Variants in NSL1 observed in about 807,000 individuals in gnomAD.
NSL1 encodes the protein kinetochore-associated protein NSL1 homolog.
Under a neutral mutation model 25.4 loss-of-function variants are expected in NSL1, and 11 were observed. The ratio of observed to expected loss-of-function variants is 0.43; its 90% confidence interval spans 0.27 to 0.72. The LOEUF is 0.72. Among genes scored for constraint, NSL1 ranks in the 30% least tolerant of loss-of-function variants. The pLI is 0.19. For missense variants in NSL1, 330 were observed against 342.7 expected (o/e 0.96, Z 0.29); for synonymous variants, 118 against 120.6 (o/e 0.98, Z 0.14).
intron 4 of NSL1, among the ~76,000 whole-genome samples, chr1:212,762,004 A>T (rs568141777): frequency 6.6e-6 from 1 of 151,606 alleles, no homozygotes; most frequent in South Asian, 2.1e-4. Flanking sequence ...ATCATGTTTT[A>T]AGAAAGTTTA....
In NSL1 at chr1:212,738,363, T is replaced by C. The variant is rs1658326443; in HGVS notation, c.*45A>G. The C allele has an allele frequency of 6.4e-7, 1 of 1,567,964 alleles. No homozygotes were observed. Among genetic ancestry groups the C allele is most frequent in the African/African-American group, 1.4e-5 (1 of 72,896 alleles). On this transcript the variant is annotated 3_prime_UTR_variant, in exon 6 of 6. Transcript: ENST00000366977. Reference sequence around the variant, plus strand: ...GGTATTAATTAGGCTGTAATCTAAATGTTGATGGTGCCTATTTTCAACTCC... The same window carrying C: ...GGTATTAATTAGGCTGTAATCTAAACGTTGATGGTGCCTATTTTCAACTCC...
chr1:212,784,235 A>G (rs1660847438), intron 3 of NSL1, 128 bp downstream of exon 3: 3 of 573,742 alleles, frequency 5.2e-6, no homozygotes, highest in Non-Finnish European at 8.9e-6. Flanking sequence ...ACAAGAGACA[A>G]ACAATACTAA....
At chr1:212,774,711 C>G (rs978789819) in intron 4 of NSL1, among the ~76,000 whole-genome samples, 1 of 152,144 alleles carries the variant, frequency 6.6e-6, no homozygotes, top group East Asian at 1.9e-4. Context: ...AGAACTGGAA[C>G]CCCTACACAC....
At position 212,736,466 on chromosome 1, in the gene NSL1, T is replaced by C. The variant is rs1427730767; in HGVS notation, c.*1942A>G. 1.0e-6 allele frequency: 1 copy of C among 985,268 alleles called. No individual in the cohort carries two copies. The highest frequency in any genetic ancestry group is 1.2e-6 in the Non-Finnish European group (1 of 829,858). The allele number at this position is 985,268 out of a possible 1,614,324, so 61.0% of individuals were successfully genotyped here. On this transcript the variant is annotated 3_prime_UTR_variant, in exon 6 of 6. Coordinates refer to ENST00000366977, the MANE Select transcript of NSL1 (RefSeq NM_015471.4). ...ACTTTCTTGCTTTTAATCCTTAGCT[T>C]ACTAGTTCTTGGCCTATGCAGAAAT...
At chr1:212,747,368 T>C (rs529676950) in intron 4 of NSL1, among the ~76,000 whole-genome samples, 18 of 152,300 alleles carry the variant, frequency 1.2e-4, no homozygotes, top group African/African-American at 3.1e-4. Context: ...AAGAAGTAGG[T>C]TGACATGTTA....
intron 4 of NSL1, among the ~76,000 whole-genome samples, chr1:212,779,761 C>T (rs1176326421): frequency 8.7e-6 from 1 of 115,406 alleles, no homozygotes; most frequent in Non-Finnish European, 1.9e-5. Context: ...CCCAGCCAGC[C>T]GCCCCGTCCG....
Position 212,747,556 on chromosome 1 carries a change from C to G in NSL1, c.500-7955G>C, listed in dbSNP as rs1244179464. On this transcript the variant is annotated intron_variant, in intron 4 of 5. Coordinates refer to ENST00000366977, the MANE Select transcript of NSL1 (RefSeq NM_015471.4). ...ATCTTGACTACAACCTTGTGAGAGC[C>G]CTATGCTAGAACTACCCAGCTAAGC... Among the ~76,000 whole-genome samples, 3 of 152,278 alleles carry G rather than the reference C, an allele frequency of 2.0e-5. No homozygotes were observed. In the East Asian group the frequency reaches 5.8e-4, roughly 29 times the overall value.
At position 212,735,884 on chromosome 1, in the gene NSL1, T is replaced by G. The variant is rs182348752; in HGVS notation, c.*2524A>C. ...CTCATGGACTTCTAGCCTCCAGAACTGTGAGAAGTAAGTATCTGTTGTTTA... is the reference window on the plus strand; with the variant it reads ...CTCATGGACTTCTAGCCTCCAGAACGGTGAGAAGTAAGTATCTGTTGTTTA... On this transcript the variant is annotated 3_prime_UTR_variant, in exon 6 of 6. Coordinates refer to ENST00000366977, the MANE Select transcript of NSL1 (RefSeq NM_015471.4). 2 of 910,124 alleles carry G rather than the reference T, an allele frequency of 2.2e-6. No individual in the cohort carries two copies. Among genetic ancestry groups the G allele is most frequent in the Non-Finnish European group, 2.6e-6 (2 of 761,608 alleles). The allele number at this position is 910,124 out of a possible 1,614,324, so 56.4% of individuals were successfully genotyped here. A position where few individuals can be genotyped will look rare whatever the true frequency, so the allele number is the denominator to read the frequency against.
intron 4 of NSL1, among the ~76,000 whole-genome samples, chr1:212,774,481 A>G (rs1314215123): frequency 6.6e-6 from 1 of 152,248 alleles, no homozygotes; most frequent in African/African-American, 2.4e-5. Context: ...AAGAACCAGT[A>G]TAACTCAACA....
At chr1:212,775,363 T>C (rs1660312891) in intron 4 of NSL1, among the ~76,000 whole-genome samples, 1 of 152,210 alleles carries the variant, frequency 6.6e-6, no homozygotes. Context: ...CTAAAGCCAC[T>C]GAGTTGTACA....
chr1:212,784,518 T>C lies in NSL1; in HGVS notation c.314-25A>G, dbSNP rs73083738. On this transcript the variant is annotated intron_variant, in intron 2 of 5. Coordinates refer to ENST00000366977, the MANE Select transcript of NSL1 (RefSeq NM_015471.4). ...TCTATTTGAGAAAAAAAAATGTATA[T>C]ATAAAAAGTTCCCTAAAACTCATTG... The C allele has an allele frequency of 3.8e-4, 539 of 1,436,802 alleles. 4 individuals are homozygous for C. In the African/African-American group the frequency reaches 7.1e-3, roughly 19 times the overall value. 89.0% of individuals were successfully genotyped at this position (1,436,802 alleles called of 1,614,324 possible). A position where few individuals can be genotyped will look rare whatever the true frequency, so the allele number is the denominator to read the frequency against.
chr1:212,782,074 A>G lies in NSL1; in HGVS notation c.499+298T>C, dbSNP rs368838221. 1.9e-5 allele frequency: 12 copies of G among 621,738 alleles called. No homozygotes were observed. In the African/African-American group the frequency reaches 2.0e-4, roughly 10 times the overall value. 38.5% of individuals were successfully genotyped at this position (621,738 alleles called of 1,614,324 possible). Reference sequence around the variant, plus strand: ...CTGTAATGCAAAGAATAGATAGTACAATGACAGAGATAGGAGGGTATTAGA... The same window carrying G: ...CTGTAATGCAAAGAATAGATAGTACGATGACAGAGATAGGAGGGTATTAGA... On this transcript the variant is annotated intron_variant, in intron 4 of 5. Coordinates refer to ENST00000366977, the MANE Select transcript of NSL1 (RefSeq NM_015471.4).
At chr1:212,778,669 G>A (rs1384725271) in intron 4 of NSL1, among the ~76,000 whole-genome samples, 2 of 151,240 alleles carry the variant, frequency 1.3e-5, no homozygotes, top group African/African-American at 2.4e-5. Flanking sequence ...CCGAGGTGCC[G>A]GGATTGCAGA....
chr1:212,747,197 A>AGTCCTCTCCCACAGTGTACTAG (rs1441730648), intron 4 of NSL1, among the ~76,000 whole-genome samples: 1 of 152,168 alleles, frequency 6.6e-6, no homozygotes, highest in Non-Finnish European at 1.5e-5. Flanking sequence ...CTCCTTGTGC[A>AGTCCTCTCCCACAGTGTACTAG]GTCCTCTCCC....
chr1:212,766,696 G>C (rs1172651738), intron 4 of NSL1, among the ~76,000 whole-genome samples: 2 of 148,352 alleles, frequency 1.3e-5, no homozygotes, highest in Non-Finnish European at 3.0e-5. Flanking sequence ...CATCCAAAAA[G>C]CTCCTAGATT....
At chr1:212,791,262 T>G (rs1287726449) in intron 1 of NSL1, among the ~76,000 whole-genome samples, 1 of 152,214 alleles carries the variant, frequency 6.6e-6, no homozygotes, top group Non-Finnish European at 1.5e-5. Flanking sequence ...TCCATTAACT[T>G]CACCTATTTC....
intron 4 of NSL1, among the ~76,000 whole-genome samples, chr1:212,770,752 T>C (rs577731933): frequency 6.6e-6 from 1 of 152,146 alleles, no homozygotes; most frequent in East Asian, 1.9e-4. Context: ...AAAAGAAAAC[T>C]ACAGGCCAAT....
chr1:212,737,726 T>C lies in NSL1; in HGVS notation c.*682A>G, dbSNP rs904539422. On this transcript the variant is annotated 3_prime_UTR_variant, in exon 6 of 6. Coordinates refer to ENST00000366977, the MANE Select transcript of NSL1 (RefSeq NM_015471.4). ...TCCAAGTCAAATTATGTTAATGGTC[T>C]ATAGAAAAAAGTGAGTGTGGGCAGG... 30 of 980,768 alleles carry C rather than the reference T, an allele frequency of 3.1e-5. No individual in the cohort carries two copies. The highest frequency in any genetic ancestry group is 3.5e-5 in the Non-Finnish European group (29 of 825,796). The allele number at this position is 980,768 out of a possible 1,614,324, so 60.8% of individuals were successfully genotyped here.
chr1:212,768,099 T>C (rs1438043775), intron 4 of NSL1, among the ~76,000 whole-genome samples: 1 of 152,066 alleles, frequency 6.6e-6, no homozygotes, highest in Non-Finnish European at 1.5e-5. Context: ...GAGGGTAGAT[T>C]ACCTGAGGTC....
Sources: allele counts gnomAD v4.1 joint callset (sites outside exome capture counted in the v4.1 genomes callset), GRCh38; gene constraint gnomAD v4.1.1; transcripts MANE v1.5; gene names NCBI Gene and HGNC (gene_info 2026-07-23, HGNC 2026-07-21).